Variants in FSD1 observed in about 807,000 individuals in gnomAD.
FSD1 encodes the protein fibronectin type III and SPRY domain containing 1.
FSD1 carries 23 observed loss-of-function variants against 58.2 expected under a neutral mutation model. The ratio of observed to expected loss-of-function variants is 0.40; its 90% CI spans 0.28 to 0.56. FSD1 has a LOEUF of 0.56. FSD1 is among the 20% of genes least tolerant of loss of function. The pLI is 0.54. For synonymous variants in FSD1, 265 were observed against 263.4 expected (o/e 1.01, Z -0.06); for missense variants, 563 against 670.8 (o/e 0.84, Z 1.78).
At chr19:4,315,846 C>T (rs1358746691) in intron 7 of FSD1, among the ~76,000 whole-genome samples, 1 of 151,300 alleles carries the variant, frequency 6.6e-6, no homozygotes, top group African/African-American at 2.4e-5. Context: ...CCAGGCTGGT[C>T]TCGAACTCCT....
At chr19:4,313,141 A>G (rs1274497553) in intron 7 of FSD1, among the ~76,000 whole-genome samples, 4 of 150,972 alleles carry the variant, frequency 2.6e-5, no homozygotes, top group African/African-American at 7.3e-5. Flanking sequence ...TGAGGCCAGG[A>G]GCTGGAGACC....
intron 1 of FSD1, 25 bp downstream of exon 1, chr19:4,304,786 G>A (rs1314751604): frequency 8.1e-6 from 2 of 246,410 alleles, no homozygotes; most frequent in Admixed American, 7.0e-5. Context: ...GGCAGGGCGG[G>A]CCCGCAGGGG....
intron 4 of FSD1, among the ~76,000 whole-genome samples, chr19:4,308,837 A>G (rs529931362): frequency 1.8e-3 from 248 of 140,698 alleles, no homozygotes; most frequent in Non-Finnish European, 2.1e-3. Context: ...CAGCCTGGGC[A>G]ACAGAGCGAG....
At chr19:4,305,850 G>A (rs1971613554) in intron 1 of FSD1, 96 bp from the exon 2 acceptor site, 1 of 856,940 alleles carries the variant, frequency 1.2e-6, no homozygotes. Flanking sequence ...GTGTGTGCAT[G>A]TGTGTGCACG....
In FSD1 at chr19:4,311,992, A is replaced by G; in HGVS notation, c.641A>G (p.Lys214Arg). 4 of 1,613,508 alleles carry G rather than the reference A, an allele frequency of 2.5e-6. No individual in the cohort carries two copies. Among genetic ancestry groups the G allele is most frequent in the Non-Finnish European group, 3.4e-6 (4 of 1,180,032 alleles). ...AACTTCGAGGGCCCGCCCCGCCTCAAGGAGGACCAGCCCTGGATGGTCATC... is the reference window on the plus strand; with the variant it reads ...AACTTCGAGGGCCCGCCCCGCCTCAGGGAGGACCAGCCCTGGATGGTCATC... ...RTNFEGPPRL[K>R]EDQPWMVIEG... Residue 214 changes from lysine to arginine, a missense_variant, in exon 7 of 13, where the codon AAG becomes AGG. By Grantham distance (26) the Lys-to-Arg change is conservative (BLOSUM62 2). Coordinates refer to ENST00000221856, the MANE Select transcript of FSD1 (RefSeq NM_024333.3).
In FSD1 at chr19:4,318,344, A is replaced by T; in HGVS notation, c.800-2A>T. 2 of 1,613,308 alleles carry T rather than the reference A, an allele frequency of 1.2e-6. No individual in the cohort carries two copies. The highest frequency in any genetic ancestry group is 1.7e-6 in the Non-Finnish European group (2 of 1,179,924). On this transcript the variant is annotated splice_acceptor_variant, in intron 8 of 12. Transcript: ENST00000221856. LOFTEE classifies it high-confidence loss of function. ...GTGACTCCCACGTCTGCCCGGCCCC[A>T]GCGTTCATGTTCCGCCTGGATGCGT... is the stretch of plus-strand genomic sequence containing the variant.
Position 4,312,183 on chromosome 19 carries a change from G to A in FSD1, c.700+132G>A, listed in dbSNP as rs1006337869. 3 of 813,104 alleles carry A rather than the reference G, an allele frequency of 3.7e-6. No individual in the cohort carries two copies. The African/African-American group carries it at 5.1e-5, about 14-fold the overall frequency. The allele number at this position is 813,104 out of a possible 1,614,324, so 50.4% of individuals were successfully genotyped here. On this transcript the variant is annotated intron_variant, in intron 7 of 12. Coordinates refer to ENST00000221856, the MANE Select transcript of FSD1 (RefSeq NM_024333.3). ...ATGGGGTCTGGAAGCAGCCTGGGGAGGTGGATCAGAAATATGAGACAGTGG... is the reference window on the plus strand; with the variant it reads ...ATGGGGTCTGGAAGCAGCCTGGGGAAGTGGATCAGAAATATGAGACAGTGG...
chr19:4,323,289 C>T lies in FSD1; in HGVS notation c.1291+52C>T. 1 of 1,608,564 alleles carries T rather than the reference C, an allele frequency of 6.2e-7. No individual in the cohort carries two copies. The highest frequency in any genetic ancestry group is 8.5e-7 in the Non-Finnish European group (1 of 1,178,322). On this transcript the variant is annotated intron_variant, in intron 11 of 12. Transcript: ENST00000221856. The surrounding 1 kb of genome is among the most constrained non-coding windows in gnomAD (Gnocchi z 7.7). Reference sequence around the variant, plus strand: ...CTGGCTGCCCCTGCCTGAGTCCCCTCCGTCTGCCCCCATCCCACTTCTGAC... The same window carrying T: ...CTGGCTGCCCCTGCCTGAGTCCCCTTCGTCTGCCCCCATCCCACTTCTGAC...
chr19:4,323,503 C>CGGGG lies in FSD1; in HGVS notation c.1381-30_1381-29insGGGG. Reference sequence around the variant, plus strand: ...CTGGGCGCTGGGGTTTGAAGCTGAGCCCCTCCCCCCTCCCCCCGCTGTCCC... The same window carrying CGGGG: ...CTGGGCGCTGGGGTTTGAAGCTGAGCGGGGCCCTCCCCCCTCCCCCCGCTGTCCC... On this transcript the variant is annotated intron_variant, in intron 12 of 12. Transcript: ENST00000221856. The surrounding 1 kb of genome is among the most constrained non-coding windows in gnomAD (Gnocchi z 7.7). The CGGGG allele has an allele frequency of 1.2e-6, 1 of 857,150 alleles. No homozygotes were observed. Among genetic ancestry groups the CGGGG allele is most frequent in the South Asian group, 1.3e-5 (1 of 74,672 alleles). The allele number at this position is 857,150 out of a possible 1,614,324, so 53.1% of individuals were successfully genotyped here.
chr19:4,321,006 G>C (rs1568382203), intron 10 of FSD1, among the ~76,000 whole-genome samples: 1 of 147,730 alleles, frequency 6.8e-6, no homozygotes, highest in African/African-American at 2.5e-5. Context: ...GGAGTATCTG[G>C]AGGGGAATAG....
chr19:4,310,002 C>T (rs1384432938), intron 4 of FSD1, among the ~76,000 whole-genome samples: 2 of 151,630 alleles, frequency 1.3e-5, no homozygotes, highest in South Asian at 2.1e-4. Flanking sequence ...CTGAGGCAGG[C>T]GGATCACCTG....
chr19:4,310,440 TC>T, intron 5 of FSD1, 34 bp from the exon 6 acceptor site: 1 of 1,605,836 alleles, frequency 6.2e-7, no homozygotes, highest in South Asian at 1.1e-5. Flanking sequence ...CCAGGCCTGG[TC>T]CCCCACGCAA....
In FSD1 at chr19:4,323,305, C is replaced by T. The variant is rs1336492086; in HGVS notation, c.1292-43C>T. ...GAGTCCCCTCCGTCTGCCCCCATCC[C>T]ACTTCTGACCGGTCCCACTGTCACT... On this transcript the variant is annotated intron_variant, in intron 11 of 12. Transcript: ENST00000221856. The surrounding 1 kb of genome is among the most constrained non-coding windows in gnomAD (Gnocchi z 7.7). 3 of 1,609,840 alleles carry T rather than the reference C, an allele frequency of 1.9e-6. No individual in the cohort carries two copies. Among genetic ancestry groups the T allele is most frequent in the South Asian group, 1.1e-5 (1 of 91,032 alleles).
Position 4,323,111 on chromosome 19 carries a change from G to A in FSD1, c.1165G>A (p.Ala389Thr), listed in dbSNP as rs753659338. The A allele has an allele frequency of 5.0e-6, 8 of 1,607,330 alleles. No homozygotes were observed. In the Admixed American group the frequency reaches 1.0e-4, roughly 20 times the overall value. The change falls in exon 11 of 13, where the codon GCC becomes ACC. Residue 389 changes from alanine to threonine, a missense_variant. Coordinates refer to ENST00000221856, the MANE Select transcript of FSD1 (RefSeq NM_024333.3). The surrounding 1 kb of genome is among the most constrained non-coding windows in gnomAD (Gnocchi z 7.7). ...GRFEQLGKTA[A>T]SWCLHVNNWL... The stretch of plus-strand genomic sequence containing the variant: ...CTTCGAGCAACTGGGCAAGACGGCC[G>A]CCTCCTGGTGCCTGCACGTCAACAA...
intron 4 of FSD1, among the ~76,000 whole-genome samples, chr19:4,309,567 G>T (rs1016601389): frequency 2.6e-5 from 4 of 152,164 alleles, no homozygotes; most frequent in Non-Finnish European, 5.9e-5. Flanking sequence ...TACCTTCCTC[G>T]AGAGGCCTCA....
chr19:4,323,001 A>G lies in FSD1; in HGVS notation c.1055A>G (p.Asp352Gly). ...SYTVLGDTLIDGGEHYWEVRY... is the reference protein window; with the variant it reads ...SYTVLGDTLIGGGEHYWEVRY... ...TGCGCCACAGGGGACACGCTGATCG[A>G]CGGCGGGGAGCATTACTGGGAGGTG... Residue 352 changes from aspartate to glycine, a missense_variant, in exon 11 of 13, where the codon GAC becomes GGC. By Grantham distance (94) the Asp-to-Gly change is moderately conservative. Coordinates refer to ENST00000221856, the MANE Select transcript of FSD1 (RefSeq NM_024333.3). The surrounding 1 kb of genome is among the most constrained non-coding windows in gnomAD (Gnocchi z 7.7). 1 of 1,610,918 alleles carries G rather than the reference A, an allele frequency of 6.2e-7. No individual in the cohort carries two copies. Among genetic ancestry groups the G allele is most frequent in the Non-Finnish European group, 8.5e-7 (1 of 1,178,904 alleles).
At chr19:4,321,050 G>GC (rs1971810035) in intron 10 of FSD1, among the ~76,000 whole-genome samples, 1 of 150,118 alleles carries the variant, frequency 6.7e-6, no homozygotes, top group Non-Finnish European at 1.5e-5. Context: ...GGGAATCGCT[G>GC]GGACTGGGGA....
At position 4,307,779 on chromosome 19, in the gene FSD1, G is replaced by A. The variant is rs116108654; in HGVS notation, c.244-103G>A. 1.1e-3 allele frequency: 868 copies of A among 787,980 alleles called. 6 individuals are homozygous for A. In the African/African-American group the frequency reaches 0.014, roughly 13 times the overall value. The allele number at this position is 787,980 out of a possible 1,614,324, so 48.8% of individuals were successfully genotyped here. On this transcript the variant is annotated intron_variant, in intron 3 of 12. Transcript: ENST00000221856. Reference sequence around the variant, plus strand: ...AATCTCCATCTCTCACCTGGAGTTCGAGAAGGGCATGGTACCCTGGATTCT... The same window carrying A: ...AATCTCCATCTCTCACCTGGAGTTCAAGAAGGGCATGGTACCCTGGATTCT...
At chr19:4,311,477 T>C (rs1402386161) in intron 6 of FSD1, 2 of 216,196 alleles carry the variant, frequency 9.3e-6, no homozygotes, top group South Asian at 6.2e-5. Context: ...AGGTCAGGAG[T>C]TCAAGACCAG....
Sources: gnomAD v4.1 joint callset for allele counts (sites outside exome capture counted in the v4.1 genomes callset) on GRCh38, gnomAD v4.1.1 for gene constraint, Gnocchi (gnomAD v3.1) non-coding constraint, MANE v1.5 for transcripts, NCBI Gene and HGNC (gene_info 2026-07-23, HGNC 2026-07-21) for gene names.